Variants in MTOR observed in about 807,000 individuals in gnomAD.
The protein encoded by MTOR is serine/threonine-protein kinase mTOR.
A neutral mutation model predicts 319.8 loss-of-function variants in MTOR; 70 were observed. That is an observed-to-expected ratio of 0.22 (90% confidence interval 0.18 to 0.27). The LOEUF (loss-of-function observed/expected upper bound fraction) is 0.27, where lower values mean the gene tolerates loss of function less well. Among genes scored for constraint, MTOR ranks in the 10% least tolerant of loss-of-function variants. The probability of loss-of-function intolerance (pLI) is 1.00; values close to 1 mark genes in which losing one functional copy is unlikely to be tolerated. For missense variants in MTOR, 1,890 were observed against 3,274.4 expected (o/e 0.58, Z 10.32); for synonymous variants, 1,183 against 1,211.4 (o/e 0.98, Z 0.49).
chr1:11,236,997 G>T (rs143312192), intron 13 of MTOR, among the ~76,000 whole-genome samples: 490 of 152,292 alleles, frequency 3.2e-3, no homozygotes, highest in African/African-American at 0.011. Flanking sequence ...AACAAATTGT[G>T]AACAAACATT....
chr1:11,163,478 A>G (rs1644542118), intron 29 of MTOR, among the ~76,000 whole-genome samples: 1 of 152,252 alleles, frequency 6.6e-6, no homozygotes, highest in Non-Finnish European at 1.5e-5. Context: ...AACAGAATAT[A>G]CATTCTTCTC....
At chr1:11,141,068 A>G (rs1003531299) in intron 34 of MTOR, among the ~76,000 whole-genome samples, 1 of 151,088 alleles carries the variant, frequency 6.6e-6, no homozygotes, top group Admixed American at 6.6e-5. Context: ...GTCTCAGATC[A>G]AAAAGTATAC....
chr1:11,243,677 G>C (rs968369029), intron 8 of MTOR, among the ~76,000 whole-genome samples: 4 of 147,824 alleles, frequency 2.7e-5, no homozygotes, highest in East Asian at 2.0e-4. Flanking sequence ...GAGTGACAAA[G>C]AGCCTGTCTC....
intron 6 of MTOR, among the ~76,000 whole-genome samples, chr1:11,251,439 C>A (rs1238423462): frequency 1.3e-5 from 2 of 152,140 alleles, no homozygotes; most frequent in Non-Finnish European, 2.9e-5. Flanking sequence ...CCTTGCCCTA[C>A]TTTTCTCCAT....
chr1:11,238,929 ATTTTTTT>A (rs35499063), intron 11 of MTOR, among the ~76,000 whole-genome samples: 1 of 139,482 alleles, frequency 7.2e-6, no homozygotes, highest in Non-Finnish European at 1.5e-5. Context: ...CGCCTGGCTA[ATTTTTTT>A]TTTTTTTTTT....
At chr1:11,123,379 CCT>C (rs976064862) in intron 47 of MTOR, among the ~76,000 whole-genome samples, 2 of 151,548 alleles carry the variant, frequency 1.3e-5, no homozygotes, top group Admixed American at 1.3e-4. Flanking sequence ...GCCTCAGCCC[CCT>C]GAGTAGCTGG....
At chr1:11,224,464 C>G (rs1055904520) in intron 19 of MTOR, among the ~76,000 whole-genome samples, 30 of 151,992 alleles carry the variant, frequency 2.0e-4, no homozygotes, top group Non-Finnish European at 3.5e-4. Context: ...AAAAAGCCCA[C>G]CAATGTAAAG....
intron 51 of MTOR, 52 bp from the exon 52 acceptor site, chr1:11,114,939 G>A: frequency 6.6e-7 from 1 of 1,517,796 alleles, no homozygotes; most frequent in Non-Finnish European, 9.1e-7. Flanking sequence ...TTCTTTACCT[G>A]GAGCCAGGTG....
chr1:11,243,392 A>C, intron 8 of MTOR, 92 bp from the exon 9 acceptor site: 1 of 1,254,862 alleles, frequency 8.0e-7, no homozygotes, highest in Non-Finnish European at 1.1e-6. Flanking sequence ...ATTCAGTTTA[A>C]GAATAAATTA....
chr1:11,234,114 G>A (rs1332850107), intron 14 of MTOR, 29 bp downstream of exon 14: 12 of 1,614,020 alleles, frequency 7.4e-6, no homozygotes, highest in Admixed American at 6.7e-5. Flanking sequence ...AACGCACAGA[G>A]AAAGCACCAG....
At chr1:11,219,153 A>G (rs1333725938) in intron 19 of MTOR, among the ~76,000 whole-genome samples, 1 of 152,050 alleles carries the variant, frequency 6.6e-6, no homozygotes, top group East Asian at 1.9e-4. Context: ...AGGTGAGGTT[A>G]CAGTGAGCTG....
At chr1:11,246,000 G>T (rs904633585) in intron 8 of MTOR, among the ~76,000 whole-genome samples, 1 of 152,150 alleles carries the variant, frequency 6.6e-6, no homozygotes, top group African/African-American at 2.4e-5. Flanking sequence ...TTCAGTCTTG[G>T]AGTATTTTTT....
Position 11,144,723 on chromosome 1 carries a change from C to T in MTOR, c.4797G>A (p.Leu1599=), listed in dbSNP as rs2100506550. The change falls in exon 34 of 58, where the codon CTG becomes CTA. Residue 1599 remains leucine (L), a synonymous_variant. Transcript: ENST00000361445. ...CAAGTTTGTACTGGATAACCTCCTCCAGCTCGGACAGCATGTGGCAAGAAA... is the reference window on the plus strand; with the variant it reads ...CAAGTTTGTACTGGATAACCTCCTCTAGCTCGGACAGCATGTGGCAAGAAA... The part of the protein sequence containing the change: ...AMVSCHMLSE[L]EEVIQYKLVP... 3 of 1,613,720 alleles carry T rather than the reference C, an allele frequency of 1.9e-6. No homozygotes were observed. The highest frequency in any genetic ancestry group is 1.7e-6 in the Non-Finnish European group (2 of 1,180,012).
Position 11,107,350 on chromosome 1 carries a change from C to T in MTOR, c.*135G>A. ...TTGGTTCAAACCAACTTTTAATATACAGTAGTTCTTTTCATTTACATTTCA... is the reference window on the plus strand; with the variant it reads ...TTGGTTCAAACCAACTTTTAATATATAGTAGTTCTTTTCATTTACATTTCA... On this transcript the variant is annotated 3_prime_UTR_variant, in exon 58 of 58. Transcript: ENST00000361445. 3.3e-6 allele frequency: 5 copies of T among 1,534,006 alleles called. No homozygotes were observed. Among genetic ancestry groups the T allele is most frequent in the Non-Finnish European group, 4.4e-6 (5 of 1,147,310 alleles).
chr1:11,187,204 A>G (rs1385811020), intron 28 of MTOR, among the ~76,000 whole-genome samples: 3 of 151,766 alleles, frequency 2.0e-5, no homozygotes, highest in Non-Finnish European at 2.9e-5. Flanking sequence ...TCTCTGCTGC[A>G]CTGTTACATG....
intron 29 of MTOR, among the ~76,000 whole-genome samples, chr1:11,166,150 A>G (rs1644637020): frequency 6.6e-6 from 1 of 152,242 alleles, no homozygotes; most frequent in Non-Finnish European, 1.5e-5. Context: ...ACCCTAGAAG[A>G]AAACCTAGGC....
At position 11,109,220 on chromosome 1, in the gene MTOR, G is replaced by A; in HGVS notation, c.7528+70C>T. ...CACTAACACCACTGGACATGGGGCT[G>A]ACCACCACTCAGAGAGGAAAGTGTG... On this transcript the variant is annotated intron_variant, in intron 56 of 57. Transcript: ENST00000361445. This position sits in a 1 kb window ranked among gnomAD's most constrained non-coding sequence, Gnocchi z 4.0. 7.0e-7 allele frequency: 1 copy of A among 1,432,058 alleles called. No homozygotes were observed. The highest frequency in any genetic ancestry group is 9.7e-7 in the Non-Finnish European group (1 of 1,025,936). 88.7% of individuals were successfully genotyped at this position (1,432,058 alleles called of 1,614,324 possible).
intron 19 of MTOR, among the ~76,000 whole-genome samples, chr1:11,221,893 T>C (rs1646674307): frequency 6.6e-6 from 1 of 150,736 alleles, no homozygotes; most frequent in Non-Finnish European, 1.5e-5. Context: ...CTTGACAGTC[T>C]TCTTTGAGTG....
At chr1:11,191,559 C>G (rs1490031720) in intron 28 of MTOR, among the ~76,000 whole-genome samples, 2 of 152,150 alleles carry the variant, frequency 1.3e-5, no homozygotes, top group Non-Finnish European at 2.9e-5. Context: ...AAGGCTGTCT[C>G]TTCCACTATG....
Sources: gnomAD v4.1 joint callset for allele counts (sites outside exome capture counted in the v4.1 genomes callset) on GRCh38, gnomAD v4.1.1 for gene constraint, Gnocchi (gnomAD v3.1) non-coding constraint, MANE v1.5 for transcripts, NCBI Gene and HGNC (gene_info 2026-07-23, HGNC 2026-07-21) for gene names.